RAPGEF1: variants seen among roughly 807,000 people sequenced by gnomAD.
RAPGEF1 encodes the protein Rap guanine nucleotide exchange factor 1.
RAPGEF1 carries 33 observed loss-of-function variants against 143.3 expected under a neutral mutation model. That is an observed-to-expected ratio of 0.23 (90% CI 0.17 to 0.31). RAPGEF1 has a LOEUF of 0.31. Ranked by LOEUF, RAPGEF1 falls within the 10% of genes least tolerant of loss-of-function variation. RAPGEF1 has a pLI of 1.00. For synonymous variants in RAPGEF1, 629 were observed against 676.5 expected, an observed-to-expected ratio of 0.93 and a Z score of 1.09; for missense variants, 1,199 against 1,645.4, an observed-to-expected ratio of 0.73 and a Z score of 4.69.
At chr9:131,653,659 G>A (rs574354545) in intron 1 of RAPGEF1, among the ~76,000 whole-genome samples, 2 of 152,284 alleles carry the variant, frequency 1.3e-5, no homozygotes, top group African/African-American at 2.4e-5. Context: ...GAAACTGAAC[G>A]CCCTACACAT....
intron 1 of RAPGEF1, among the ~76,000 whole-genome samples, chr9:131,719,477 G>T (rs970247841): frequency 5.3e-5 from 8 of 150,402 alleles, no homozygotes; most frequent in African/African-American, 2.0e-4. Context: ...TTTTATAAGG[G>T]TTTGTTTCAA....
chr9:131,728,443 T>G (rs1336838954), intron 1 of RAPGEF1, among the ~76,000 whole-genome samples: 1 of 152,210 alleles, frequency 6.6e-6, no homozygotes, highest in Non-Finnish European at 1.5e-5. Flanking sequence ...TCAGCCCTGC[T>G]GTGGCTCTGA....
Position 131,587,775 on chromosome 9 carries a change from A to G in RAPGEF1, c.3194T>C (p.Leu1065Ser). Reference sequence around the variant, plus strand: ...GTTGAAGTGCTCCGTGAACTGGGTCAAGTTGGGGCTCTTCTCCTCATTCTG... The same window carrying G: ...GTTGAAGTGCTCCGTGAACTGGGTCGAGTTGGGGCTCTTCTCCTCATTCTG... Reference protein sequence around the residue: ...KEQNEEKSPNLTQFTEHFNNM... With the variant: ...KEQNEEKSPNSTQFTEHFNNM... The change falls in exon 22 of 27, where the codon TTG (leucine) becomes TCG (serine). Residue 1065 changes from leucine to serine, a missense_variant. By Grantham distance (145) the Leu-to-Ser change is moderately radical (BLOSUM62 -2). Coordinates refer to ENST00000683357, the MANE Select transcript of RAPGEF1 (RefSeq NM_001377935.1). The G allele has an allele frequency of 6.2e-7, 1 of 1,613,810 alleles. No homozygotes were observed. Among genetic ancestry groups the G allele is most frequent in the Non-Finnish European group, 8.5e-7 (1 of 1,179,848 alleles).
intron 1 of RAPGEF1, among the ~76,000 whole-genome samples, chr9:131,686,127 G>A (rs993685309): frequency 2.6e-5 from 4 of 152,166 alleles, no homozygotes; most frequent in African/African-American, 9.7e-5. Context: ...CTCCAAAGCA[G>A]AGGGCAGCAA....
At chr9:131,618,401 G>C (rs1959510137) in intron 12 of RAPGEF1, among the ~76,000 whole-genome samples, 1 of 152,228 alleles carries the variant, frequency 6.6e-6, no homozygotes, top group African/African-American at 2.4e-5. Flanking sequence ...CCTGTCCTAA[G>C]CAGTGACAAA....
chr9:131,736,592 C>T (rs1363671773), intron 1 of RAPGEF1, among the ~76,000 whole-genome samples: 1 of 152,182 alleles, frequency 6.6e-6, no homozygotes, highest in African/African-American at 2.4e-5. Flanking sequence ...AGATCTCCCC[C>T]AGGGGTTAAG....
In RAPGEF1 at chr9:131,582,442, T is replaced by C. The variant is rs148503914; in HGVS notation, c.3512+163A>G. 9.5e-4 allele frequency among the ~76,000 whole-genome samples: 144 copies of C among 152,164 alleles called. 1 individual carries two copies. The highest frequency in any genetic ancestry group is 2.1e-3 in the South Asian group (10 of 4,824). ...TATTATATATATGTATTGTATATTATGCATTATAACTGTATTACAAGAACC... is the reference window on the plus strand; with the variant it reads ...TATTATATATATGTATTGTATATTACGCATTATAACTGTATTACAAGAACC... On this transcript the variant is annotated intron_variant, in intron 25 of 26. Coordinates refer to ENST00000683357, the MANE Select transcript of RAPGEF1 (RefSeq NM_001377935.1).
chr9:131,626,069 C>A lies in RAPGEF1; in HGVS notation c.1555G>T (p.Val519Phe). ...DLQSTAPIPS[V>F]PYAPFAAILP... ...ATAGCAGCAAAGGGCGCGTAGGGGACGGATGGGATCGGGGCTGTGCTCTGC... is the reference window on the plus strand; with the variant it reads ...ATAGCAGCAAAGGGCGCGTAGGGGAAGGATGGGATCGGGGCTGTGCTCTGC... Residue 519 changes from valine to phenylalanine, a missense_variant, in exon 10 of 27, where the codon GTC (valine) becomes TTC (phenylalanine). Transcript: ENST00000683357. The A allele has an allele frequency of 6.2e-7, 1 of 1,613,910 alleles. No individual in the cohort carries two copies. Among genetic ancestry groups the A allele is most frequent in the Non-Finnish European group, 8.5e-7 (1 of 1,179,806 alleles).
chr9:131,717,471 A>T (rs578150415), intron 1 of RAPGEF1, among the ~76,000 whole-genome samples: 5 of 152,232 alleles, frequency 3.3e-5, no homozygotes, highest in Non-Finnish European at 7.4e-5. Flanking sequence ...ATGAGGGAAA[A>T]TATCATAAAA....
chr9:131,595,558 C>T (rs61192760), intron 17 of RAPGEF1, among the ~76,000 whole-genome samples: 9,949 of 152,196 alleles, frequency 0.065, 637 homozygotes, highest in African/African-American at 0.16. Context: ...TTTTTTTAAA[C>T]GTAAAAAGAG....
At chr9:131,724,287 T>C (rs887181363) in intron 1 of RAPGEF1, among the ~76,000 whole-genome samples, 5 of 152,090 alleles carry the variant, frequency 3.3e-5, no homozygotes, top group African/African-American at 9.7e-5. Flanking sequence ...AGACTGCCCA[T>C]AGGGTTCATG....
intron 1 of RAPGEF1, among the ~76,000 whole-genome samples, chr9:131,681,128 G>A (rs1832874494): frequency 6.6e-6 from 1 of 152,152 alleles, no homozygotes; most frequent in Non-Finnish European, 1.5e-5. Flanking sequence ...TAACAAAAGA[G>A]GTTACAGAGC....
chr9:131,619,373 C>T lies in RAPGEF1; in HGVS notation c.1906-167G>A, dbSNP rs185988548. Among the ~76,000 whole-genome samples, 147 of 152,234 alleles carry T rather than the reference C, an allele frequency of 9.7e-4. 1 individual carries two copies. Among genetic ancestry groups the T allele is most frequent in the African/African-American group, 3.1e-3 (127 of 41,540 alleles). On this transcript the variant is annotated intron_variant, in intron 11 of 26. Transcript: ENST00000683357. ...CAGTTCAGGGACTAAAACCAGCTGC[C>T]GAAGGCCATCTGCATGAAAGGGCAC...
intron 1 of RAPGEF1, among the ~76,000 whole-genome samples, chr9:131,696,286 G>A (rs188257362): frequency 1.3e-5 from 2 of 152,352 alleles, no homozygotes; most frequent in African/African-American, 4.8e-5. Flanking sequence ...CCATCCTGGA[G>A]AAGACATACC....
chr9:131,630,160 C>T (rs1463583212), intron 6 of RAPGEF1, 76 bp downstream of exon 6: 16 of 1,326,282 alleles, frequency 1.2e-5, no homozygotes, highest in South Asian at 3.5e-5. Flanking sequence ...CCCACCCCAC[C>T]GGGCCCTATC....
chr9:131,669,248 G>T (rs1830953907), intron 1 of RAPGEF1, among the ~76,000 whole-genome samples: 1 of 152,218 alleles, frequency 6.6e-6, no homozygotes, highest in African/African-American at 2.4e-5. Context: ...TCATTCGTCA[G>T]TAAGCATACA....
intron 14 of RAPGEF1, among the ~76,000 whole-genome samples, chr9:131,603,215 G>C: frequency 6.6e-6 from 1 of 152,372 alleles, no homozygotes; most frequent in Non-Finnish European, 1.5e-5. Flanking sequence ...GTGGGGGCCC[G>C]CCCTGGGGTG....
At position 131,579,634 on chromosome 9, in the gene RAPGEF1, G is replaced by A. The variant is rs752356616; in HGVS notation, c.3655C>T (p.Arg1219Trp). The A allele has an allele frequency of 2.5e-6, 4 of 1,613,792 alleles. No homozygotes were observed. The highest frequency in any genetic ancestry group is 3.3e-5 in the Admixed American group (2 of 60,000). Residue 1219 changes from arginine (R) to tryptophan (W), a missense_variant, in exon 27 of 27, where the codon CGG becomes TGG. This residue lies in a region of RAPGEF1 where 67 missense variants were observed against 105.4 expected (regional missense o/e 0.64). Transcript: ENST00000683357. ...RCFQQAHYDM[R>W]RNDDIINFFN... ...AAGTTTATAATGTCGTCGTTCCTCCGCATGTCATAGTGCCTGGTGCAGGGG... is the reference window on the plus strand; with the variant it reads ...AAGTTTATAATGTCGTCGTTCCTCCACATGTCATAGTGCCTGGTGCAGGGG...
intron 1 of RAPGEF1, among the ~76,000 whole-genome samples, chr9:131,739,405 G>T (rs1837608938): frequency 6.6e-6 from 1 of 152,180 alleles, no homozygotes; most frequent in Non-Finnish European, 1.5e-5. Flanking sequence ...CCGAGCCCAG[G>T]CCGGGCACCG....
Sources: gnomAD v4.1 joint callset for allele counts (sites outside exome capture counted in the v4.1 genomes callset) on GRCh38, gnomAD v4.1.1 for gene constraint, gnomAD v4.1.1 regional missense constraint, MANE v1.5 for transcripts, NCBI Gene and HGNC (gene_info 2026-07-23, HGNC 2026-07-21) for gene names.